The following NRG3 variants were observed in gnomAD, a reference collection of about 807,000 sequenced individuals.
NRG3 encodes pro-neuregulin-3, membrane-bound isoform.
In NRG3, 31 loss-of-function variants were observed where a neutral mutation model predicts 66.9. The observed-to-expected ratio is 0.46, with a 90% CI of 0.35 to 0.63. The LOEUF (loss-of-function observed/expected upper bound fraction) is 0.63. NRG3 is among the 20% of genes least tolerant of loss of function. The pLI is 0.00. For synonymous variants in NRG3, 393 were observed against 359.4 expected (o/e 1.09, Z -1.06); for missense variants, 910 against 878.9 (o/e 1.04, Z -0.45).
intron 4 of NRG3, among the ~76,000 whole-genome samples, chr10:82,917,879 T>G (rs1845996180): frequency 6.6e-6 from 1 of 151,552 alleles, no homozygotes; most frequent in Non-Finnish European, 1.5e-5. Flanking sequence ...GACATGGGAT[T>G]GGCTTAGCCC....
At chr10:82,562,082 A>G (rs1197040800) in intron 2 of NRG3, among the ~76,000 whole-genome samples, 1 of 152,196 alleles carries the variant, frequency 6.6e-6, no homozygotes, top group Admixed American at 6.5e-5. Context: ...CTGAGGTTCC[A>G]TATCAATAAA....
intron 2 of NRG3, among the ~76,000 whole-genome samples, chr10:82,404,916 G>C (rs902758653): frequency 1.3e-5 from 2 of 152,102 alleles, no homozygotes; most frequent in East Asian, 1.9e-4. Flanking sequence ...CTGGTAGAGC[G>C]AGAGTGCTTT....
chr10:82,951,962 T>C (rs1245039332), intron 5 of NRG3, among the ~76,000 whole-genome samples: 1 of 152,200 alleles, frequency 6.6e-6, no homozygotes, highest in Admixed American at 6.5e-5. Flanking sequence ...TCAACCATTA[T>C]CTATCTATTT....
chr10:82,610,178 C>A (rs1353226386), intron 2 of NRG3, among the ~76,000 whole-genome samples: 1 of 152,162 alleles, frequency 6.6e-6, no homozygotes, highest in Non-Finnish European at 1.5e-5. Flanking sequence ...GGCTTCAAAC[C>A]CTCCTCACGC....
At chr10:82,236,569 A>G (rs1204305433) in intron 1 of NRG3, among the ~76,000 whole-genome samples, 1 of 152,134 alleles carries the variant, frequency 6.6e-6, no homozygotes, top group East Asian at 1.9e-4. Flanking sequence ...AGGCCTCGGA[A>G]ATATATCTTT....
intron 3 of NRG3, among the ~76,000 whole-genome samples, chr10:82,793,108 C>A (rs956557231): frequency 6.6e-6 from 1 of 151,966 alleles, no homozygotes; most frequent in Admixed American, 6.6e-5. Flanking sequence ...AAAAATTTCT[C>A]TCCTGAAACA....
intron 4 of NRG3, among the ~76,000 whole-genome samples, chr10:82,897,453 G>C (rs904421113): frequency 3.3e-5 from 5 of 152,132 alleles, no homozygotes; most frequent in African/African-American, 4.8e-5. Context: ...CAAACCCAAG[G>C]CTTCTTTTTT....
chr10:81,910,477 G>A (rs972995381), intron 1 of NRG3, among the ~76,000 whole-genome samples: 1 of 152,156 alleles, frequency 6.6e-6, no homozygotes, highest in Non-Finnish European at 1.5e-5. Flanking sequence ...TGCATTAAAT[G>A]TAATCTATGG....
chr10:82,223,365 C>T (rs1428432952), intron 1 of NRG3, among the ~76,000 whole-genome samples: 1 of 152,020 alleles, frequency 6.6e-6, no homozygotes, highest in Non-Finnish European at 1.5e-5. Flanking sequence ...GACAGGCTGT[C>T]TGTTCATATA....
intron 3 of NRG3, among the ~76,000 whole-genome samples, chr10:82,779,723 C>A (rs1228448477): frequency 1.3e-5 from 2 of 150,848 alleles, no homozygotes; most frequent in African/African-American, 4.9e-5. Flanking sequence ...CTGAAATTTT[C>A]TATTCTTTTT....
At chr10:81,887,262 C>T (rs767615834) in intron 1 of NRG3, among the ~76,000 whole-genome samples, 3 of 152,070 alleles carry the variant, frequency 2.0e-5, no homozygotes, top group Non-Finnish European at 4.4e-5. Flanking sequence ...GGCAGAGTTT[C>T]TTACTCTGGG....
chr10:82,572,589 G>T (rs182535135), intron 2 of NRG3, among the ~76,000 whole-genome samples: 2,350 of 148,636 alleles, frequency 0.016, 60 homozygotes, highest in African/African-American at 0.055. Flanking sequence ...CAATCAGGTG[G>T]TTTTTTTTGT....
chr10:82,130,812 T>A (rs2068769024), intron 1 of NRG3, among the ~76,000 whole-genome samples: 1 of 152,200 alleles, frequency 6.6e-6, no homozygotes, highest in South Asian at 2.1e-4. Context: ...CACCTTTTCA[T>A]CTGCCTGTTT....
chr10:81,991,118 A>G (rs1191009473), intron 1 of NRG3, among the ~76,000 whole-genome samples: 1 of 152,130 alleles, frequency 6.6e-6, no homozygotes, highest in Non-Finnish European at 1.5e-5. Context: ...AGAACCAGGA[A>G]GAGTTGGGCA....
intron 2 of NRG3, among the ~76,000 whole-genome samples, chr10:82,727,433 C>A (rs1227440380): frequency 6.6e-6 from 1 of 152,212 alleles, no homozygotes; most frequent in African/African-American, 2.4e-5. Flanking sequence ...CTAAAAGGGG[C>A]CAAGGTACAG....
At chr10:82,020,811 A>G (rs11192189) in intron 1 of NRG3, among the ~76,000 whole-genome samples, 21,215 of 152,118 alleles carry the variant, frequency 0.14, 1,866 homozygotes, top group East Asian at 0.28. Flanking sequence ...TACTTATTAT[A>G]AATGTCACTT....
intron 1 of NRG3, among the ~76,000 whole-genome samples, chr10:81,978,435 C>G (rs979001618): frequency 2.0e-5 from 3 of 152,156 alleles, no homozygotes; most frequent in Non-Finnish European, 4.4e-5. Context: ...CCTTGGACAG[C>G]TTCTTTGCTT....
chr10:82,933,274 C>T (rs1444086051), intron 4 of NRG3, among the ~76,000 whole-genome samples: 1 of 151,986 alleles, frequency 6.6e-6, no homozygotes, highest in Non-Finnish European at 1.5e-5. Flanking sequence ...GCATCTGGAT[C>T]TTGGGAAGTA....
chr10:82,141,185 G>C (rs958857891), intron 1 of NRG3, among the ~76,000 whole-genome samples: 2 of 152,042 alleles, frequency 1.3e-5, no homozygotes, highest in East Asian at 3.9e-4. Context: ...CTATCATAGG[G>C]TTATGTGTGT....
Sources: allele counts gnomAD v4.1 joint callset (sites outside exome capture counted in the v4.1 genomes callset), GRCh38; gene constraint gnomAD v4.1.1; transcripts MANE v1.5; gene names NCBI Gene and HGNC (gene_info 2026-07-23, HGNC 2026-07-21).